Variants in RBM25 observed in about 807,000 individuals in gnomAD.
RBM25 encodes RNA-binding protein 25.
Under a neutral mutation model 120.7 loss-of-function variants are expected in RBM25, and 19 were observed. That is an observed-to-expected ratio of 0.16 (90% CI 0.11 to 0.23). The LOEUF (loss-of-function observed/expected upper bound fraction) is 0.23, where lower values mean the gene tolerates loss of function less well. Ranked by LOEUF, RBM25 falls within the 10% of genes least tolerant of loss-of-function variation. The pLI is 1.00. For missense variants in RBM25, 605 were observed against 1,041.5 expected (o/e 0.58, Z 5.77); for synonymous variants, 390 against 326.7 (o/e 1.19, Z -2.09).
In RBM25 at chr14:73,099,649, G is replaced by C; in HGVS notation, c.784-18G>C. On this transcript the variant is annotated intron_variant, in intron 8 of 18. Coordinates refer to ENST00000261973, the MANE Select transcript of RBM25 (RefSeq NM_021239.3). ...GGGTGTTCTTTATTCATTCCCTCCT[G>C]TGCCCGTTTTCTTTTAGGAGGATAT... 6.3e-7 allele frequency: 1 copy of C among 1,592,336 alleles called. No homozygotes were observed. The highest frequency in any genetic ancestry group is 8.5e-7 in the Non-Finnish European group (1 of 1,174,772).
chr14:73,117,218 T>C (rs1476310384), intron 18 of RBM25, among the ~76,000 whole-genome samples: 57 of 26,692 alleles, frequency 2.1e-3, no homozygotes, highest in African/African-American at 6.0e-3. Context: ...TTCTTTTTTT[T>C]TTTTTTTTTT....
At chr14:73,061,205 C>T (rs1205346441) in intron 1 of RBM25, among the ~76,000 whole-genome samples, 2 of 151,156 alleles carry the variant, frequency 1.3e-5, no homozygotes, top group Non-Finnish European at 3.0e-5. Flanking sequence ...TTATAGGTGC[C>T]TGCCACCATG....
rs146881987 is a variant in RBM25, at chr14:73,091,089, C to T, written c.543+2928C>T. Among the ~76,000 whole-genome samples, 141 of 152,296 alleles carry T rather than the reference C, an allele frequency of 9.3e-4. 1 individual carries two copies. Among genetic ancestry groups the T allele is most frequent in the African/African-American group, 1.1e-3 (44 of 41,568 alleles). On this transcript the variant is annotated intron_variant, in intron 6 of 18. Coordinates refer to ENST00000261973, the MANE Select transcript of RBM25 (RefSeq NM_021239.3). Reference sequence around the variant, plus strand: ...TCACTGTTTTCTTGTGTTTAATCTTCAGTTTGTGAGGTCATTTAATTTGTA... The same window carrying T: ...TCACTGTTTTCTTGTGTTTAATCTTTAGTTTGTGAGGTCATTTAATTTGTA...
intron 17 of RBM25, 128 bp downstream of exon 17, chr14:73,112,378 A>AT (rs1472351110): frequency 2.3e-6 from 2 of 883,260 alleles, no homozygotes; most frequent in African/African-American, 3.6e-5. Context: ...AGTGATTTAT[A>AT]TCTGCTTTTT....
intron 1 of RBM25, chr14:73,065,055 A>G (rs1188365089): frequency 1.3e-5 from 2 of 150,718 alleles, no homozygotes; most frequent in East Asian, 1.9e-4. Flanking sequence ...GGTTCAAGCA[A>G]TTCTCCTGCC....
At chr14:73,094,941 C>G (rs1179025376) in intron 6 of RBM25, among the ~76,000 whole-genome samples, 1 of 151,896 alleles carries the variant, frequency 6.6e-6, no homozygotes, top group Non-Finnish European at 1.5e-5. Flanking sequence ...ACTGCAGTCT[C>G]CACCTCCTGG....
chr14:73,103,988 A>G (rs1226604334), intron 10 of RBM25, among the ~76,000 whole-genome samples: 2 of 118,420 alleles, frequency 1.7e-5, no homozygotes, highest in East Asian at 5.4e-4. Context: ...ACACACACAC[A>G]CACACACTCT....
At chr14:73,107,801 A>G (rs748406680) in intron 12 of RBM25, 25 bp from the exon 13 acceptor site, 3 of 1,492,572 alleles carry the variant, frequency 2.0e-6, no homozygotes, top group Admixed American at 1.9e-5. Context: ...TGTTAATTTT[A>G]TACATTGTCC....
intron 7 of RBM25, among the ~76,000 whole-genome samples, chr14:73,097,391 G>A (rs1895971403): frequency 2.0e-5 from 3 of 151,902 alleles, no homozygotes; most frequent in African/African-American, 7.2e-5. Flanking sequence ...AGTAGAGACG[G>A]GGTTTCACCG....
At chr14:73,092,138 A>G (rs1179779969) in intron 6 of RBM25, among the ~76,000 whole-genome samples, 1 of 152,060 alleles carries the variant, frequency 6.6e-6, no homozygotes, top group Admixed American at 6.6e-5. Context: ...ATTTTCAAAT[A>G]ACTTAAGCAA....
chr14:73,082,827 T>C (rs1326784536), intron 4 of RBM25, among the ~76,000 whole-genome samples: 1 of 151,714 alleles, frequency 6.6e-6, no homozygotes, highest in Non-Finnish European at 1.5e-5. Context: ...TTTGGGAGGC[T>C]GAGGCGGGCA....
chr14:73,104,044 ACT>A lies in RBM25; in HGVS notation c.1154+569_1154+570del, dbSNP rs937347371. 2.1e-5 allele frequency among the ~76,000 whole-genome samples: 3 copies of A among 145,334 alleles called. No individual in the cohort carries two copies. The Admixed American group carries it at 2.2e-4, about 10-fold the overall frequency. On this transcript the variant is annotated intron_variant, in intron 10 of 18. Coordinates refer to ENST00000261973, the MANE Select transcript of RBM25 (RefSeq NM_021239.3). ...CTATGGGTAAAAGTAATAATTTTCA[ACT>A]CTGGTTAATTTCTGTCTGAAGCCAC... is the stretch of plus-strand genomic sequence containing the variant.
At chr14:73,093,935 A>ATGATCAGG (rs1323858137) in intron 6 of RBM25, among the ~76,000 whole-genome samples, 13 of 147,934 alleles carry the variant, frequency 8.8e-5, no homozygotes, top group Non-Finnish European at 1.9e-4. Flanking sequence ...ATCATCTACC[A>ATGATCAGG]TGATCAGGTT....
At chr14:73,069,479 T>C (rs1190902236) in intron 1 of RBM25, among the ~76,000 whole-genome samples, 1 of 151,670 alleles carries the variant, frequency 6.6e-6, no homozygotes, top group Non-Finnish European at 1.5e-5. Flanking sequence ...AATTTTGCTC[T>C]TGTTGTCCAG....
rs750692120 is a variant in RBM25 at position 73,111,023 on chromosome 14, G to C, written c.1885G>C (p.Ala629Pro). ...PISSAPSVSS[A>P]SGNATPNTPG... ...CAGCTCTGCTCCATCTGTTTCCTCT[G>C]CCAGTGGCAATGCAACACCTAACAC... Residue 629 changes from alanine (A) to proline (P), a missense_variant, in exon 15 of 19, where the codon GCC (alanine) becomes CCC (proline). Transcript: ENST00000261973. 1 of 1,614,146 alleles carries C rather than the reference G, an allele frequency of 6.2e-7. No individual in the cohort carries two copies. The highest frequency in any genetic ancestry group is 1.1e-5 in the South Asian group (1 of 91,072).
chr14:73,111,664 T>C lies in RBM25; in HGVS notation c.2154T>C (p.Gly718=), dbSNP rs376355007. 7.4e-6 allele frequency: 12 copies of C among 1,613,986 alleles called. No individual in the cohort carries two copies. The African/African-American group carries it at 1.5e-4, about 20-fold the overall frequency. The change falls in exon 16 of 19, where the codon GGT becomes GGC. Residue 718 remains glycine, a synonymous_variant. Transcript: ENST00000261973. ...RKRKLVPLDY[G]EDDKNATKGT... ...GGAAACTGGTTCCCTTGGATTATGGTGAAGATGATAAAAATGCAACCAAAG... is the reference window on the plus strand; with the variant it reads ...GGAAACTGGTTCCCTTGGATTATGGCGAAGATGATAAAAATGCAACCAAAG...
chr14:73,106,799 A>ATATACACATATACATACATG (rs1023747233), intron 12 of RBM25, among the ~76,000 whole-genome samples: 1 of 151,972 alleles, frequency 6.6e-6, no homozygotes, highest in Non-Finnish European at 1.5e-5. Flanking sequence ...AACCATATAC[A>ATATACACATATACATACATG]TATACACATA....
chr14:73,061,515 C>T (rs1164996743), intron 1 of RBM25, among the ~76,000 whole-genome samples: 1 of 151,200 alleles, frequency 6.6e-6, no homozygotes, highest in Admixed American at 6.6e-5. Context: ...TGTTCCACCC[C>T]AGTTTCAGGC....
intron 1 of RBM25, among the ~76,000 whole-genome samples, chr14:73,066,158 T>G (rs1191487809): frequency 6.6e-6 from 1 of 152,162 alleles, no homozygotes; most frequent in African/African-American, 2.4e-5. Context: ...ACAGTAGCCC[T>G]TTCTGTTTTA....
Sources: allele counts gnomAD v4.1 joint callset (sites outside exome capture counted in the v4.1 genomes callset), GRCh38; gene constraint gnomAD v4.1.1; transcripts MANE v1.5; gene names NCBI Gene and HGNC (gene_info 2026-07-23, HGNC 2026-07-21).